The following POFUT3 variants were observed in gnomAD, a reference collection of about 807,000 sequenced individuals.
POFUT3 encodes protein O-fucosyltransferase 3, also known as GDP-fucose protein O-fucosyltransferase 3.
At chr8:33,332,135 C>G in the POFUT3 span, among the ~76,000 whole-genome samples, 1 of 143,922 alleles carries the variant, frequency 6.9e-6, no homozygotes, top group Non-Finnish European at 1.5e-5. Context: ...AGAAAAAGAC[C>G]TTGTCTCAGA....
At chr8:33,449,024 C>T in the POFUT3 span, among the ~76,000 whole-genome samples, 2 of 152,206 alleles carry the variant, frequency 1.3e-5, no homozygotes, top group East Asian at 3.9e-4. Context: ...GGAGGAGGAA[C>T]AAAGATGAAT....
At chr8:33,332,019 T>G in the POFUT3 span, among the ~76,000 whole-genome samples, 47 of 151,340 alleles carry the variant, frequency 3.1e-4, no homozygotes, top group African/African-American at 1.0e-3. Flanking sequence ...GGCACACACC[T>G]GTAGTACCAG....
chr8:33,423,867 G>A, the POFUT3 span, among the ~76,000 whole-genome samples: 4 of 150,452 alleles, frequency 2.7e-5, no homozygotes, highest in African/African-American at 7.3e-5. Flanking sequence ...GGGCGGGGGC[G>A]GTGGCTCACG....
chr8:33,378,678 A>G, the POFUT3 span, among the ~76,000 whole-genome samples: 1 of 152,194 alleles, frequency 6.6e-6, no homozygotes, highest in African/African-American at 2.4e-5. Flanking sequence ...TCTGTGGCAT[A>G]GCAATGCAGG....
At chr8:33,415,028 G>A in the POFUT3 span, among the ~76,000 whole-genome samples, 3 of 151,044 alleles carry the variant, frequency 2.0e-5, no homozygotes, top group South Asian at 2.1e-4. Context: ...TTGGGAGGCC[G>A]AGGCAAGCAG....
the POFUT3 span, among the ~76,000 whole-genome samples, chr8:33,417,277 G>A: frequency 3.0e-3 from 453 of 152,226 alleles, 3 homozygotes; most frequent in African/African-American, 9.6e-3. Flanking sequence ...CAAACTCAGG[G>A]TTCCACTGAT....
the POFUT3 span, among the ~76,000 whole-genome samples, chr8:33,403,602 C>G: frequency 6.6e-6 from 1 of 152,026 alleles, no homozygotes; most frequent in Non-Finnish European, 1.5e-5. Context: ...CCTGTAGACC[C>G]AGCTACTAGG....
At chr8:33,337,256 TA>T in the POFUT3 span, among the ~76,000 whole-genome samples, 1 of 152,216 alleles carries the variant, frequency 6.6e-6, no homozygotes, top group African/African-American at 2.4e-5. Context: ...AGAGATTTTT[TA>T]AATCATCTAA....
chr8:33,327,500 C>T, the POFUT3 span, among the ~76,000 whole-genome samples: 220 of 152,054 alleles, frequency 1.4e-3, 2 homozygotes, highest in African/African-American at 5.1e-3. Context: ...TTTCTGACCC[C>T]CAAGAAAGTC....
chr8:33,332,474 G>A, the POFUT3 span, among the ~76,000 whole-genome samples: 1 of 131,944 alleles, frequency 7.6e-6, no homozygotes, highest in African/African-American at 2.8e-5. Context: ...AACAGAGCAA[G>A]ACTCTGTCTG....
At chr8:33,309,603 T>C in the POFUT3 span, among the ~76,000 whole-genome samples, 1 of 152,148 alleles carries the variant, frequency 6.6e-6, no homozygotes, top group Non-Finnish European at 1.5e-5. Flanking sequence ...TGCAGTCAGA[T>C]GATTGATGAA....
chr8:33,394,252 G>A, the POFUT3 span: 11 of 195,326 alleles, frequency 5.6e-5, no homozygotes, highest in South Asian at 5.1e-4. Flanking sequence ...ATTCTTCTTG[G>A]GACCTGGCAT....
the POFUT3 span, among the ~76,000 whole-genome samples, chr8:33,380,178 ATATATATATAC>A: frequency 4.8e-3 from 259 of 53,898 alleles, 7 homozygotes; most frequent in East Asian, 0.019. Context: ...TATATATACT[ATATATATATAC>A]TATATATATA....
chr8:33,417,925 C>T, the POFUT3 span, among the ~76,000 whole-genome samples: 1 of 152,144 alleles, frequency 6.6e-6, no homozygotes, highest in Admixed American at 6.5e-5. Context: ...CATTCCCACT[C>T]TGAACTCCCG....
the POFUT3 span, among the ~76,000 whole-genome samples, chr8:33,311,062 T>C: frequency 6.6e-6 from 1 of 152,208 alleles, no homozygotes; most frequent in African/African-American, 2.4e-5. Context: ...AAACATATCC[T>C]TGATAATATC....
chr8:33,335,466 A>G, the POFUT3 span, among the ~76,000 whole-genome samples: 2 of 152,220 alleles, frequency 1.3e-5, no homozygotes, highest in Non-Finnish European at 2.9e-5. Context: ...TATTTAATGA[A>G]TAAGGCAACA....
the POFUT3 span, among the ~76,000 whole-genome samples, chr8:33,358,915 T>C: frequency 1.3e-5 from 2 of 152,052 alleles, no homozygotes; most frequent in African/African-American, 4.8e-5. Flanking sequence ...AAGAGGGTTG[T>C]TTATGAACCA....
the POFUT3 span, among the ~76,000 whole-genome samples, chr8:33,383,231 C>T: frequency 1.4e-4 from 22 of 152,290 alleles, no homozygotes; most frequent in South Asian, 3.3e-3. Flanking sequence ...TAGGACTGCA[C>T]TCCCTAACAG....
the POFUT3 span, among the ~76,000 whole-genome samples, chr8:33,444,635 TG>T: frequency 1.3e-5 from 2 of 151,942 alleles, no homozygotes; most frequent in Non-Finnish European, 2.9e-5. Flanking sequence ...CTGGCCAACA[TG>T]GGGAAACACC....
Sources: gnomAD v4.1 joint callset for allele counts (sites outside exome capture counted in the v4.1 genomes callset) on GRCh38, gnomAD v4.1.1 for gene constraint, MANE v1.5 for transcripts, NCBI Gene and HGNC (gene_info 2026-07-23, HGNC 2026-07-21) for gene names.